PTPDC1: variants seen among roughly 807,000 people sequenced by gnomAD.
PTPDC1 encodes protein tyrosine phosphatase domain-containing protein 1.
In PTPDC1, 53 loss-of-function variants were observed where a neutral mutation model predicts 75.3. The ratio of observed to expected loss-of-function variants is 0.70; its 90% CI spans 0.56 to 0.88. The LOEUF is 0.88. Ranked by LOEUF, PTPDC1 falls within the 40% of genes least tolerant of loss-of-function variation. The pLI is 0.00. For missense variants in PTPDC1, 925 were observed against 998.6 expected (o/e 0.93, Z 0.99); for synonymous variants, 349 against 366.2 (o/e 0.95, Z 0.54).
upstream of PTPDC1, among the ~76,000 whole-genome samples, chr9:94,083,490 A>G (rs1335024048): frequency 1.3e-5 from 2 of 152,134 alleles, no homozygotes; most frequent in African/African-American, 4.8e-5. Flanking sequence ...CCTTATCTGT[A>G]GCAGTACAGT....
chr9:94,036,079 G>T (rs1587833199), intron 1 of PTPDC1, among the ~76,000 whole-genome samples: 1 of 107,814 alleles, frequency 9.3e-6, no homozygotes, highest in Non-Finnish European at 1.8e-5. Flanking sequence ...GATGTATTTT[G>T]GATATTAATC....
chr9:94,102,581 G>T (rs1012812571), intron 7 of PTPDC1, among the ~76,000 whole-genome samples: 1 of 151,898 alleles, frequency 6.6e-6, no homozygotes, highest in African/African-American at 2.4e-5. Context: ...TTTTGTTTTT[G>T]TTTGTTTCTT....
Position 94,108,238 on chromosome 9 carries a change from A to C in PTPDC1, c.*294A>C, listed in dbSNP as rs75523249. 0.023 allele frequency: 4,058 copies of C among 178,878 alleles called. 167 individuals are homozygous for C. Among genetic ancestry groups the C allele is most frequent in the African/African-American group, 0.09 (3,823 of 42,686 alleles). The allele number at this position is 178,878 out of a possible 1,614,324, so 11.1% of individuals were successfully genotyped here. On this transcript the variant is annotated 3_prime_UTR_variant, in exon 9 of 9. Transcript: ENST00000620992. ...TTAAGTATATGGTGTTTACATTCTT[A>C]TTTCTTTTGACATTTTGGAAATAAT...
chr9:94,081,119 A>C (rs1208410507), upstream of PTPDC1, among the ~76,000 whole-genome samples: 1 of 149,876 alleles, frequency 6.7e-6, no homozygotes, highest in Non-Finnish European at 1.5e-5. Flanking sequence ...CCTTCCAAGT[A>C]GCTGGTACTA....
At chr9:94,070,353 A>G (rs1186768093) in intron 2 of PTPDC1, among the ~76,000 whole-genome samples, 1 of 151,958 alleles carries the variant, frequency 6.6e-6, no homozygotes, top group Non-Finnish European at 1.5e-5. Context: ...CATGCACCCT[A>G]CTATTTGCCT....
chr9:94,084,519 C>T lies in PTPDC1; in HGVS notation c.-12C>T. 1 of 1,608,840 alleles carries T rather than the reference C, an allele frequency of 6.2e-7. No individual in the cohort carries two copies. Among genetic ancestry groups the T allele is most frequent in the Non-Finnish European group, 8.5e-7 (1 of 1,179,858 alleles). On this transcript the variant is annotated 5_prime_UTR_variant, in exon 1 of 9. Coordinates refer to ENST00000620992, the MANE Select transcript of PTPDC1 (RefSeq NM_001253829.2). ...TGACTCTTCCTGCCTCCGGCTCTTG[C>T]CTCCCAGTGCCATGCAGGTGCAGGA...
At chr9:94,084,293 T>G (rs1826984333), upstream of PTPDC1, 1 of 411,416 alleles carries the variant, frequency 2.4e-6, no homozygotes, top group African/African-American at 2.1e-5. Context: ...ATTTATATTA[T>G]TCTTCCCTAT....
chr9:94,051,851 CTTTTT>C, intron 1 of PTPDC1, among the ~76,000 whole-genome samples: 1 of 152,060 alleles, frequency 6.6e-6, no homozygotes, highest in African/African-American at 2.4e-5. Flanking sequence ...TGTGTCTTCA[CTTTTT>C]ATTTTTTCTT....
At chr9:94,103,820 T>G (rs1292615854) in intron 7 of PTPDC1, among the ~76,000 whole-genome samples, 1 of 152,214 alleles carries the variant, frequency 6.6e-6, no homozygotes, top group East Asian at 1.9e-4. Context: ...GTTGTCCTTG[T>G]CCTTTTCTTT....
chr9:94,035,589 C>T (rs1489047998), intron 1 of PTPDC1, among the ~76,000 whole-genome samples: 1 of 152,172 alleles, frequency 6.6e-6, no homozygotes, highest in Non-Finnish European at 1.5e-5. Flanking sequence ...TGTTGATAGA[C>T]ACTTAGTTTG....
At chr9:94,033,990 T>C (rs1005337965) in intron 1 of PTPDC1, among the ~76,000 whole-genome samples, 1 of 152,070 alleles carries the variant, frequency 6.6e-6, no homozygotes, top group South Asian at 2.1e-4. Flanking sequence ...ATGTAGACAA[T>C]ATAACTGTAA....
At chr9:94,053,459 A>G (rs1036751881) in intron 1 of PTPDC1, among the ~76,000 whole-genome samples, 5 of 152,190 alleles carry the variant, frequency 3.3e-5, no homozygotes, top group Admixed American at 2.0e-4. Flanking sequence ...TAGTTTTACT[A>G]CATAAGGTAT....
intron 1 of PTPDC1, among the ~76,000 whole-genome samples, chr9:94,050,028 T>C (rs1253981811): frequency 1.3e-5 from 2 of 152,222 alleles, no homozygotes; most frequent in African/African-American, 4.8e-5. Context: ...CTTGTGCATT[T>C]GTCATGTAGT....
At chr9:94,101,866 C>A (rs961377341) in intron 7 of PTPDC1, 115 bp downstream of exon 7, 2 of 585,180 alleles carry the variant, frequency 3.4e-6, no homozygotes, top group Non-Finnish European at 5.8e-6. Flanking sequence ...AAATCTAGAT[C>A]TAATTTAATA....
chr9:94,047,219 T>C (rs989551075), intron 1 of PTPDC1, among the ~76,000 whole-genome samples: 2 of 152,212 alleles, frequency 1.3e-5, no homozygotes, highest in African/African-American at 4.8e-5. Context: ...TGGATAAGCT[T>C]TTTGATGTGC....
At chr9:94,091,589 T>C (rs1827322204) in intron 4 of PTPDC1, among the ~76,000 whole-genome samples, 1 of 152,198 alleles carries the variant, frequency 6.6e-6, no homozygotes. Flanking sequence ...AGAATGATGC[T>C]GGCCTCATAA....
At chr9:94,104,232 A>G in intron 7 of PTPDC1, 43 bp from the exon 8 acceptor site, 5 of 1,475,936 alleles carry the variant, frequency 3.4e-6, no homozygotes, top group Non-Finnish European at 4.7e-6. Flanking sequence ...TTATTGAGGC[A>G]TTTTTTGAAA....
chr9:94,064,766 T>C, exon 2 of PTPDC1: 1 of 1,613,862 alleles, frequency 6.2e-7, no homozygotes, highest in African/African-American at 1.3e-5. Context: ...TGCCTCAGAA[T>C]GAACAACCAT....
upstream of PTPDC1, among the ~76,000 whole-genome samples, chr9:94,083,553 G>C (rs879322382): frequency 6.6e-6 from 1 of 152,208 alleles, no homozygotes; most frequent in Non-Finnish European, 1.5e-5. Flanking sequence ...GAGAGCTAGC[G>C]AGCAAGCGAG....
Sources: allele counts gnomAD v4.1 joint callset (sites outside exome capture counted in the v4.1 genomes callset), GRCh38; gene constraint gnomAD v4.1.1; transcripts MANE v1.5; gene names NCBI Gene and HGNC (gene_info 2026-07-23, HGNC 2026-07-21).